Variants in SCD5 observed in about 807,000 individuals in gnomAD.
The protein encoded by SCD5 is stearoyl-CoA desaturase 5.
In SCD5, 20 loss-of-function variants were observed where a neutral mutation model predicts 30.4. The ratio of observed to expected loss-of-function variants is 0.66; its 90% confidence interval spans 0.46 to 0.96. SCD5 has a LOEUF of 0.96. Among genes scored for constraint, SCD5 ranks in the 40% least tolerant of loss-of-function variants. The pLI, the probability that SCD5 is intolerant of heterozygous loss-of-function variation, is 0.00. For synonymous variants in SCD5, 173 were observed against 176.4 expected, an observed-to-expected ratio of 0.98 and a Z score of 0.16; for missense variants, 381 against 443.3, an observed-to-expected ratio of 0.86 and a Z score of 1.26.
chr4:82,706,310 C>A (rs1719968101), intron 1 of SCD5, among the ~76,000 whole-genome samples: 1 of 152,166 alleles, frequency 6.6e-6, no homozygotes, highest in Admixed American at 6.5e-5. Context: ...AAAATTAATT[C>A]CAAGACTCCA....
At chr4:82,705,442 A>G in intron 1 of SCD5, 29 bp from the exon 2 acceptor site, 1 of 1,613,502 alleles carries the variant, frequency 6.2e-7, no homozygotes, top group Non-Finnish European at 8.5e-7. Context: ...GACAACGTCA[A>G]CAATGGTCCC....
chr4:82,749,637 T>A (rs1410615966), intron 1 of SCD5, among the ~76,000 whole-genome samples: 1 of 152,164 alleles, frequency 6.6e-6, no homozygotes, highest in Non-Finnish European at 1.5e-5. Context: ...AAAACACACA[T>A]CCCACTTGGT....
chr4:82,775,395 A>G (rs1220053190), intron 1 of SCD5: 1 of 151,588 alleles, frequency 6.6e-6, no homozygotes. Context: ...AGGTGTATGC[A>G]TGTTGAGGGC....
chr4:82,749,722 A>G (rs1721062062), intron 1 of SCD5, among the ~76,000 whole-genome samples: 1 of 152,202 alleles, frequency 6.6e-6, no homozygotes, highest in Non-Finnish European at 1.5e-5. Flanking sequence ...TTCACTCTAA[A>G]TCATCCAACT....
At chr4:82,636,294 T>C (rs937196270) in intron 4 of SCD5, among the ~76,000 whole-genome samples, 26 of 142,456 alleles carry the variant, frequency 1.8e-4, no homozygotes, top group African/African-American at 6.3e-4. Flanking sequence ...AAAAAAAAAA[T>C]ACAAAAATTA....
At chr4:82,693,844 C>A (rs572675677) in intron 2 of SCD5, among the ~76,000 whole-genome samples, 3 of 152,314 alleles carry the variant, frequency 2.0e-5, no homozygotes, top group African/African-American at 7.2e-5. Context: ...TGCCACCTCC[C>A]TGAAGAGGAC....
intron 1 of SCD5, among the ~76,000 whole-genome samples, chr4:82,760,050 A>G (rs1721324337): frequency 6.6e-6 from 1 of 151,768 alleles, no homozygotes; most frequent in African/African-American, 2.4e-5. Context: ...CCCTGAAGCA[A>G]TTTCCCATTC....
At chr4:82,710,497 C>T (rs1020153112) in intron 1 of SCD5, among the ~76,000 whole-genome samples, 3 of 152,124 alleles carry the variant, frequency 2.0e-5, no homozygotes, top group African/African-American at 4.8e-5. Flanking sequence ...GCTGCAGAGT[C>T]TTTGATATCT....
At chr4:82,717,363 A>G (rs1720249767) in intron 1 of SCD5, among the ~76,000 whole-genome samples, 1 of 151,840 alleles carries the variant, frequency 6.6e-6, no homozygotes, top group South Asian at 2.1e-4. Flanking sequence ...CTGATTCAGG[A>G]TAACTCCCAT....
intron 3 of SCD5, among the ~76,000 whole-genome samples, chr4:82,645,056 G>A (rs1201487886): frequency 6.6e-6 from 1 of 152,206 alleles, no homozygotes; most frequent in Non-Finnish European, 1.5e-5. Flanking sequence ...GCTCACACCT[G>A]TAATTCCGGC....
intron 1 of SCD5, among the ~76,000 whole-genome samples, chr4:82,771,706 C>A (rs1344129778): frequency 6.6e-6 from 1 of 152,218 alleles, no homozygotes; most frequent in East Asian, 1.9e-4. Flanking sequence ...TTAACCCTGG[C>A]AGGCCACTAC....
chr4:82,686,432 A>C lies in SCD5; in HGVS notation c.364-5520T>G, dbSNP rs942992263. Among the ~76,000 whole-genome samples, 10 of 152,244 alleles carry C rather than the reference A, an allele frequency of 6.6e-5. 1 individual carries two copies. Among genetic ancestry groups the C allele is most frequent in the African/African-American group, 1.9e-4 (8 of 41,466 alleles). ...AGTGTGTGAAGGGCAAATGAGCACT[A>C]CATATCAAAAACCCTAAAATTGTGC... is the stretch of plus-strand genomic sequence containing the variant. On this transcript the variant is annotated intron_variant, in intron 2 of 4. Transcript: ENST00000319540.
At chr4:82,721,593 A>C (rs537414126) in intron 1 of SCD5, among the ~76,000 whole-genome samples, 2 of 152,324 alleles carry the variant, frequency 1.3e-5, no homozygotes, top group Admixed American at 1.3e-4. Context: ...TAGGAAGAGG[A>C]AATTTAGACA....
intron 2 of SCD5, among the ~76,000 whole-genome samples, chr4:82,690,758 C>A (rs891427795): frequency 6.6e-5 from 10 of 152,166 alleles, no homozygotes; most frequent in African/African-American, 2.4e-4. Context: ...TGGACTCATT[C>A]TTATCTTTCC....
intron 1 of SCD5, among the ~76,000 whole-genome samples, chr4:82,771,459 C>G (rs1721619401): frequency 6.6e-6 from 1 of 152,154 alleles, no homozygotes; most frequent in Non-Finnish European, 1.5e-5. Context: ...CATTAAGGAC[C>G]CACCAACGGT....
At chr4:82,791,596 T>A (rs972191706) in intron 1 of SCD5, among the ~76,000 whole-genome samples, 1 of 152,146 alleles carries the variant, frequency 6.6e-6, no homozygotes. Flanking sequence ...ATTTACTCTG[T>A]GCTGGCTTCC....
At chr4:82,716,200 G>A (rs2148830790) in intron 1 of SCD5, among the ~76,000 whole-genome samples, 1 of 151,754 alleles carries the variant, frequency 6.6e-6, no homozygotes, top group Non-Finnish European at 1.5e-5. Context: ...GTGTCGGGGA[G>A]ATCATTTACT....
At chr4:82,642,554 A>T (rs558930696) in intron 3 of SCD5, among the ~76,000 whole-genome samples, 29 of 152,284 alleles carry the variant, frequency 1.9e-4, no homozygotes, top group Non-Finnish European at 2.1e-4. Context: ...TCTTCCAAGC[A>T]TCAGTCTGAA....
chr4:82,730,696 C>T (rs891495751), intron 1 of SCD5, among the ~76,000 whole-genome samples: 14 of 150,870 alleles, frequency 9.3e-5, no homozygotes, highest in African/African-American at 2.2e-4. Context: ...CACCATTCTC[C>T]TGCCTCAGCC....
Sources: allele counts gnomAD v4.1 joint callset (sites outside exome capture counted in the v4.1 genomes callset), GRCh38; gene constraint gnomAD v4.1.1; transcripts MANE v1.5; gene names NCBI Gene and HGNC (gene_info 2026-07-23, HGNC 2026-07-21).